The following PDIA5 variants were observed in gnomAD, a reference collection of about 807,000 sequenced individuals.
The protein encoded by PDIA5 is protein disulfide-isomerase A5.
PDIA5 carries 58 observed loss-of-function variants against 77.6 expected under a neutral mutation model. The ratio of observed to expected loss-of-function variants is 0.75; its 90% CI spans 0.61 to 0.93. PDIA5 has a LOEUF of 0.93. Ranked by LOEUF, PDIA5 falls within the 40% of genes least tolerant of loss-of-function variation. The pLI is 0.00. For missense variants in PDIA5, 630 were observed against 647.7 expected, an observed-to-expected ratio of 0.97 and a Z score of 0.30; for synonymous variants, 250 against 252.1, an observed-to-expected ratio of 0.99 and a Z score of 0.08.
chr3:123,103,815 A>G (rs536013489), intron 5 of PDIA5, among the ~76,000 whole-genome samples: 13 of 152,332 alleles, frequency 8.5e-5, no homozygotes, highest in Admixed American at 3.3e-4. Flanking sequence ...TTCTTATTCT[A>G]TGTTAAGACG....
chr3:123,102,458 G>C lies in PDIA5; in HGVS notation c.305G>C (p.Ser102Thr). 1 of 1,614,096 alleles carries C rather than the reference G, an allele frequency of 6.2e-7. No individual in the cohort carries two copies. The highest frequency in any genetic ancestry group is 8.5e-7 in the Non-Finnish European group (1 of 1,179,914). ...TGCAAGAAGATGAAAGTTGACCTGA[G>C]CCCGAAGGACAAAAAGGTTGAATTA... ...KLCKKMKVDL[S>T]PKDKKVELFH... Residue 102 changes from serine to threonine, a missense_variant, in exon 4 of 17, where the codon AGC becomes ACC. Ser to Thr is a moderately conservative substitution (Grantham distance 58). Coordinates refer to ENST00000316218, the MANE Select transcript of PDIA5 (RefSeq NM_006810.4).
At position 123,140,695 on chromosome 3, in the gene PDIA5, T is replaced by C. The variant is rs542414907; in HGVS notation, c.911-4827T>C. Among the ~76,000 whole-genome samples the C allele has an allele frequency of 3.3e-5, 5 of 152,286 alleles. No homozygotes were observed. The East Asian group carries it at 7.7e-4, about 24-fold the overall frequency. ...TCCAGAGCTACAATTTCTGGCACTG[T>C]AAAACGGACCTACTGAGCTGTGTCA... is the stretch of plus-strand genomic sequence containing the variant. On this transcript the variant is annotated intron_variant, in intron 11 of 16. Coordinates refer to ENST00000316218, the MANE Select transcript of PDIA5 (RefSeq NM_006810.4).
At chr3:123,142,522 TCCC>T (rs1935664890) in intron 11 of PDIA5, among the ~76,000 whole-genome samples, 1 of 152,352 alleles carries the variant, frequency 6.6e-6, no homozygotes, top group Admixed American at 6.5e-5. Context: ...GATGGGGGGA[TCCC>T]AAGTGGGGTC....
At position 123,146,054 on chromosome 3, in the gene PDIA5, C is replaced by T. The variant is rs181486394; in HGVS notation, c.982-45C>T. ...CTGGGCTCCTGTGTTCCACCAGCAC[C>T]GCATCTGAGGCTGTAATGCATGGTT... On this transcript the variant is annotated intron_variant, in intron 12 of 16. Transcript: ENST00000316218. The T allele has an allele frequency of 1.3e-5, 20 of 1,586,244 alleles. No individual in the cohort carries two copies. In the Admixed American group the frequency reaches 1.4e-4, roughly 11 times the overall value.
intron 11 of PDIA5, among the ~76,000 whole-genome samples, chr3:123,135,958 T>G (rs183933711): frequency 4.0e-5 from 6 of 151,140 alleles, no homozygotes; most frequent in East Asian, 1.9e-4. Flanking sequence ...TTTATTTCTG[T>G]TTTTTTTCTT....
At position 123,067,156 on chromosome 3, in the gene PDIA5, G is replaced by A; in HGVS notation, c.-9G>A. 1 of 1,246,550 alleles carries A rather than the reference G, an allele frequency of 8.0e-7. No individual in the cohort carries two copies. The allele number at this position is 1,246,550 out of a possible 1,614,324, so 77.2% of individuals were successfully genotyped here. On this transcript the variant is annotated 5_prime_UTR_variant, in exon 1 of 17. Transcript: ENST00000316218. ...GAGAAAGGAGCCAGCGGTGGGCAGC[G>A]CTGCTGGGATGGCGCGGGCCGGGCC...
intron 6 of PDIA5, among the ~76,000 whole-genome samples, chr3:123,110,280 TGTTCTAAGG>T (rs1934829377): frequency 6.6e-6 from 1 of 152,224 alleles, no homozygotes. Flanking sequence ...TGCCTGGCAC[TGTTCTAAGG>T]GTTTTACAAA....
chr3:123,091,252 T>A (rs902686086), intron 2 of PDIA5, among the ~76,000 whole-genome samples: 1 of 152,164 alleles, frequency 6.6e-6, no homozygotes, highest in African/African-American at 2.4e-5. Context: ...CTCAGCATGC[T>A]CTGTATTCAC....
intron 14 of PDIA5, among the ~76,000 whole-genome samples, chr3:123,153,476 T>C (rs1384239336): frequency 6.6e-6 from 1 of 152,250 alleles, no homozygotes; most frequent in East Asian, 1.9e-4. Flanking sequence ...TATGTCAAAT[T>C]AGTGAAGTGT....
intron 16 of PDIA5, 107 bp downstream of exon 16, chr3:123,161,562 T>A (rs1936160535): frequency 8.0e-7 from 1 of 1,254,692 alleles, no homozygotes; most frequent in African/African-American, 1.5e-5. Flanking sequence ...ACTGCAGAAG[T>A]CAGCTGGAAC....
intron 10 of PDIA5, among the ~76,000 whole-genome samples, chr3:123,130,221 G>A (rs1448313298): frequency 6.6e-6 from 1 of 152,258 alleles, no homozygotes; most frequent in Non-Finnish European, 1.5e-5. Flanking sequence ...CTAGAGAGCT[G>A]TAGCCAGAAG....
intron 11 of PDIA5, 58 bp downstream of exon 11, chr3:123,130,674 G>A (rs575782853): frequency 1.3e-6 from 2 of 1,582,034 alleles, no homozygotes; most frequent in East Asian, 4.5e-5. Flanking sequence ...AGTAGGATGA[G>A]TGTGGCGCTT....
Position 123,101,256 on chromosome 3 carries a change from A to G in PDIA5, c.258-1155A>G, listed in dbSNP as rs140285890. Reference sequence around the variant, plus strand: ...GAAGGTTGTTCAAACCCAATTGCTCAGGTATCCCCAGGGTTTCTAATTTAG... The same window carrying G: ...GAAGGTTGTTCAAACCCAATTGCTCGGGTATCCCCAGGGTTTCTAATTTAG... On this transcript the variant is annotated intron_variant, in intron 3 of 16. Coordinates refer to ENST00000316218, the MANE Select transcript of PDIA5 (RefSeq NM_006810.4). Among the ~76,000 whole-genome samples the G allele has an allele frequency of 1.8e-4, 28 of 152,358 alleles. No individual in the cohort carries two copies. In the East Asian group the frequency reaches 5.4e-3, roughly 29 times the overall value.
intron 1 of PDIA5, among the ~76,000 whole-genome samples, chr3:123,069,909 G>T (rs745450641): frequency 6.6e-6 from 1 of 152,004 alleles, no homozygotes; most frequent in Non-Finnish European, 1.5e-5. Context: ...GGCCAACATG[G>T]TGAAACCCCG....
At chr3:123,135,740 A>G (rs895851841) in intron 11 of PDIA5, among the ~76,000 whole-genome samples, 1 of 130,032 alleles carries the variant, frequency 7.7e-6, no homozygotes, top group South Asian at 2.6e-4. Flanking sequence ...ATCCAGAGGT[A>G]ACAACTTTTT....
At chr3:123,151,179 G>A (rs371840614) in intron 14 of PDIA5, among the ~76,000 whole-genome samples, 4 of 152,262 alleles carry the variant, frequency 2.6e-5, no homozygotes, top group African/African-American at 9.6e-5. Context: ...GAGAGGGGCC[G>A]CCACAGCCTC....
intron 1 of PDIA5, among the ~76,000 whole-genome samples, chr3:123,075,305 G>C (rs1235065237): frequency 6.6e-6 from 1 of 152,178 alleles, no homozygotes; most frequent in Non-Finnish European, 1.5e-5. Context: ...TAGGGGTGCT[G>C]TTCAGGAGAG....
chr3:123,130,798 C>T (rs939270865), intron 11 of PDIA5, among the ~76,000 whole-genome samples, 182 bp downstream of exon 11: 1 of 152,142 alleles, frequency 6.6e-6, no homozygotes, highest in Non-Finnish European at 1.5e-5. Context: ...TGGCCTACCC[C>T]CCATTGCCAT....
intron 11 of PDIA5, among the ~76,000 whole-genome samples, chr3:123,140,542 G>A (rs1935601828): frequency 6.6e-6 from 1 of 152,164 alleles, no homozygotes; most frequent in Non-Finnish European, 1.5e-5. Flanking sequence ...AAGACTCAAA[G>A]CAGGGGCCAG....
Sources: allele counts gnomAD v4.1 joint callset (sites outside exome capture counted in the v4.1 genomes callset), GRCh38; gene constraint gnomAD v4.1.1; transcripts MANE v1.5; gene names NCBI Gene and HGNC (gene_info 2026-07-23, HGNC 2026-07-21).